Variants in SNX18 observed in about 807,000 individuals in gnomAD.
SNX18 encodes the protein sorting nexin 18, also known as sorting nexin-18.
In SNX18, 35 loss-of-function variants were observed where a neutral mutation model predicts 48.7. The ratio of observed to expected loss-of-function variants is 0.72; its 90% CI spans 0.55 to 0.95. The LOEUF is 0.95. Among genes scored for constraint, SNX18 ranks in the 40% least tolerant of loss-of-function variants. SNX18 has a pLI of 0.00. For missense variants in SNX18, 824 were observed against 871.0 expected (o/e 0.95, Z 0.68); for synonymous variants, 492 against 384.7 (o/e 1.28, Z -3.26).
chr5:54,637,860 C>A, the SNX18 span, among the ~76,000 whole-genome samples: 1 of 152,166 alleles, frequency 6.6e-6, no homozygotes, highest in South Asian at 2.1e-4. Context: ...AAGAGCAAAC[C>A]TAAGTCAGAG....
At chr5:54,528,033 G>A (rs1486106853) in intron 1 of SNX18, among the ~76,000 whole-genome samples, 1 of 151,788 alleles carries the variant, frequency 6.6e-6, no homozygotes, top group Non-Finnish European at 1.5e-5. Flanking sequence ...GGAGGGGAGG[G>A]GAAGTTTGAA....
At chr5:54,580,103 AAGAG>A in the SNX18 span, among the ~76,000 whole-genome samples, 3,585 of 151,116 alleles carry the variant, frequency 0.024, 141 homozygotes, top group African/African-American at 0.083. Context: ...GTGTGTCAGA[AAGAG>A]AGAGAGAGAG....
At chr5:54,613,220 C>T in the SNX18 span, among the ~76,000 whole-genome samples, 8,045 of 152,170 alleles carry the variant, frequency 0.053, 288 homozygotes, top group Non-Finnish European at 0.082. Flanking sequence ...TATCTTAGTT[C>T]GTTTTATGCT....
chr5:54,551,688 T>A, the SNX18 span, among the ~76,000 whole-genome samples: 4 of 152,200 alleles, frequency 2.6e-5, no homozygotes, highest in African/African-American at 9.7e-5. Flanking sequence ...GTCACCTGAC[T>A]CCACAGCTTG....
the SNX18 span, among the ~76,000 whole-genome samples, chr5:54,628,854 G>C: frequency 5.3e-5 from 8 of 152,170 alleles, no homozygotes; most frequent in African/African-American, 1.9e-4. Context: ...CTGTCCTTCT[G>C]ATGAGCATCT....
At chr5:54,523,597 T>G (rs1406466020) in intron 1 of SNX18, among the ~76,000 whole-genome samples, 1 of 152,202 alleles carries the variant, frequency 6.6e-6, no homozygotes, top group Non-Finnish European at 1.5e-5. Flanking sequence ...CAGGACTAGA[T>G]AAGTAAATAG....
At chr5:54,567,929 C>A in the SNX18 span, among the ~76,000 whole-genome samples, 1 of 152,214 alleles carries the variant, frequency 6.6e-6, no homozygotes, top group Non-Finnish European at 1.5e-5. Flanking sequence ...TGAGAAGTTG[C>A]TGCTGAAAGG....
At chr5:54,572,776 T>TA in the SNX18 span, among the ~76,000 whole-genome samples, 1 of 7,202 alleles carries the variant, frequency 1.4e-4, no homozygotes, top group Non-Finnish European at 2.9e-4. Flanking sequence ...ATATATATAT[T>TA]TTTTTTTTTT....
At chr5:54,643,736 C>G in the SNX18 span, 1 of 152,202 alleles carries the variant, frequency 6.6e-6, no homozygotes, top group African/African-American at 2.4e-5. Context: ...CACGTCATGA[C>G]TCAGGAAATG....
chr5:54,630,238 A>G, the SNX18 span, among the ~76,000 whole-genome samples: 1 of 152,164 alleles, frequency 6.6e-6, no homozygotes, highest in African/African-American at 2.4e-5. Context: ...AGTCTGGATC[A>G]GCTCTCTCTC....
At chr5:54,554,146 AT>A in the SNX18 span, among the ~76,000 whole-genome samples, 1 of 152,178 alleles carries the variant, frequency 6.6e-6, no homozygotes, top group African/African-American at 2.4e-5. Context: ...TTGTTCATCT[AT>A]TGCTACCATT....
chr5:54,534,544 C>G (rs192602741), intron 1 of SNX18, among the ~76,000 whole-genome samples: 1 of 152,036 alleles, frequency 6.6e-6, no homozygotes, highest in Non-Finnish European at 1.5e-5. Flanking sequence ...TGAGGCAGTA[C>G]AGTGTATGAG....
the SNX18 span, among the ~76,000 whole-genome samples, chr5:54,563,369 T>C: frequency 6.6e-6 from 1 of 152,206 alleles, no homozygotes; most frequent in African/African-American, 2.4e-5. Context: ...TTTTATCTTT[T>C]ATACTGTCTT....
the SNX18 span, among the ~76,000 whole-genome samples, chr5:54,608,288 T>C: frequency 1.3e-5 from 2 of 152,248 alleles, no homozygotes; most frequent in African/African-American, 2.4e-5. Context: ...TCTTTTCATG[T>C]GCTTATTTGC....
chr5:54,577,709 G>T, the SNX18 span, among the ~76,000 whole-genome samples: 1,904 of 152,278 alleles, frequency 0.013, 37 homozygotes, highest in African/African-American at 0.044. Flanking sequence ...ATACGCTGAG[G>T]TTTGGCCTTC....
the SNX18 span, among the ~76,000 whole-genome samples, chr5:54,574,207 C>G: frequency 6.6e-6 from 1 of 152,338 alleles, no homozygotes; most frequent in South Asian, 2.1e-4. Flanking sequence ...CCTGGGACCT[C>G]ACAAGGCTGT....
chr5:54,641,095 G>A, the SNX18 span, among the ~76,000 whole-genome samples: 10 of 152,004 alleles, frequency 6.6e-5, no homozygotes, highest in Non-Finnish European at 1.3e-4. Context: ...GGAGTATACA[G>A]AAGTTCTGAG....
chr5:54,529,905 G>A (rs1762222138), intron 1 of SNX18, among the ~76,000 whole-genome samples: 1 of 152,182 alleles, frequency 6.6e-6, no homozygotes, highest in Non-Finnish European at 1.5e-5. Flanking sequence ...TGTGGCTGCT[G>A]TAACAAATTC....
At chr5:54,607,233 C>T in the SNX18 span, among the ~76,000 whole-genome samples, 1 of 152,128 alleles carries the variant, frequency 6.6e-6, no homozygotes, top group South Asian at 2.1e-4. Flanking sequence ...CTTCTGTTGG[C>T]ACTGAGATTC....
Sources: allele counts gnomAD v4.1 joint callset (sites outside exome capture counted in the v4.1 genomes callset), GRCh38; gene constraint gnomAD v4.1.1; transcripts MANE v1.5; gene names NCBI Gene and HGNC (gene_info 2026-07-23, HGNC 2026-07-21).